Variants in UBR2 observed in about 807,000 individuals in gnomAD.
The protein encoded by UBR2 is E3 ubiquitin-protein ligase UBR2.
Under a neutral mutation model 247.9 loss-of-function variants are expected in UBR2, and 92 were observed. The observed-to-expected ratio is 0.37, with a 90% CI of 0.31 to 0.44. The LOEUF (loss-of-function observed/expected upper bound fraction) is 0.44, where lower values mean the gene tolerates loss of function less well. UBR2 is among the 20% of genes least tolerant of loss of function. The pLI, the probability that UBR2 is intolerant of heterozygous loss-of-function variation, is 1.00. For missense variants in UBR2, 1,613 were observed against 2,112.6 expected (o/e 0.76, Z 4.64); for synonymous variants, 672 against 693.5 (o/e 0.97, Z 0.49).
chr6:42,606,728 T>C, intron 7 of UBR2, 77 bp downstream of exon 7: 1 of 1,263,498 alleles, frequency 7.9e-7, no homozygotes, highest in South Asian at 1.4e-5. Context: ...TTTATGAACA[T>C]GTCTTTCTGC....
At chr6:42,669,388 A>AT (rs1427600285) in intron 34 of UBR2, among the ~76,000 whole-genome samples, 2 of 152,058 alleles carry the variant, frequency 1.3e-5, no homozygotes, top group Non-Finnish European at 2.9e-5. Flanking sequence ...ATTTCTGAGA[A>AT]TTTTTTATGT....
chr6:42,672,401 C>T (rs1475249355), intron 36 of UBR2, among the ~76,000 whole-genome samples: 1 of 151,976 alleles, frequency 6.6e-6, no homozygotes, highest in South Asian at 2.1e-4. Context: ...TCTCACCATT[C>T]CTTCTTCTAC....
chr6:42,658,226 T>A lies in UBR2; in HGVS notation c.2983-14T>A, dbSNP rs759474151. ...CATATTTCATACAGGATACTGATAC[T>A]TTTTTTTTTGTAGACTTTTAATGCT... On this transcript the variant is annotated splice_polypyrimidine_tract_variant and intron_variant, in intron 27 of 46. Transcript: ENST00000372901. 154 of 1,344,316 alleles carry A rather than the reference T, an allele frequency of 1.1e-4. No homozygotes were observed. Among genetic ancestry groups the A allele is most frequent in the Non-Finnish European group, 1.5e-4 (147 of 976,102 alleles). The allele number at this position is 1,344,316 out of a possible 1,614,324, so 83.3% of individuals were successfully genotyped here. A position where few individuals can be genotyped will look rare whatever the true frequency, so the allele number is the denominator to read the frequency against.
chr6:42,591,962 A>T (rs1792691292), intron 2 of UBR2, among the ~76,000 whole-genome samples, 189 bp from the exon 3 acceptor site: 2 of 152,178 alleles, frequency 1.3e-5, no homozygotes, highest in African/African-American at 4.8e-5. Flanking sequence ...CATTATGGAG[A>T]CGCAGGTCCT....
intron 1 of UBR2, among the ~76,000 whole-genome samples, chr6:42,569,258 A>G (rs770535827): frequency 6.6e-5 from 10 of 152,202 alleles, no homozygotes; most frequent in Non-Finnish European, 1.2e-4. Context: ...AAGCAGTTGC[A>G]TTGTTTTACA....
intron 1 of UBR2, among the ~76,000 whole-genome samples, chr6:42,571,160 G>C (rs1029654066): frequency 6.8e-6 from 1 of 147,374 alleles, no homozygotes; most frequent in Non-Finnish European, 1.5e-5. Flanking sequence ...GGAGAATGGC[G>C]TGAACCTGGG....
intron 10 of UBR2, among the ~76,000 whole-genome samples, chr6:42,616,893 T>C (rs1253988916): frequency 1.3e-5 from 2 of 152,212 alleles, no homozygotes; most frequent in Non-Finnish European, 2.9e-5. Context: ...GATTCTGATA[T>C]GATGCAGAAG....
chr6:42,589,895 TGAA>T (rs1792541846), intron 2 of UBR2, among the ~76,000 whole-genome samples: 3 of 152,198 alleles, frequency 2.0e-5, no homozygotes, highest in Admixed American at 2.0e-4. Context: ...CTAGCTGCCT[TGAA>T]GATTTTCTTG....
intron 11 of UBR2, among the ~76,000 whole-genome samples, chr6:42,618,721 A>C (rs953452521): frequency 6.6e-6 from 1 of 152,222 alleles, no homozygotes; most frequent in Non-Finnish European, 1.5e-5. Flanking sequence ...TCAGATGCTA[A>C]AGCAATGACC....
intron 36 of UBR2, among the ~76,000 whole-genome samples, chr6:42,672,040 C>T (rs1051826325): frequency 3.3e-5 from 5 of 149,480 alleles, no homozygotes; most frequent in African/African-American, 1.2e-4. Context: ...AAATTGAAGT[C>T]TTTTTTTTTT....
At chr6:42,671,674 C>T (rs1436580131) in intron 36 of UBR2, among the ~76,000 whole-genome samples, 2 of 152,180 alleles carry the variant, frequency 1.3e-5, no homozygotes, top group African/African-American at 4.8e-5. Context: ...CATTCTGAAA[C>T]TCAATTTTCC....
At chr6:42,571,138 G>C (rs2151900277) in intron 1 of UBR2, among the ~76,000 whole-genome samples, 1 of 151,128 alleles carries the variant, frequency 6.6e-6, no homozygotes, top group Admixed American at 6.6e-5. Flanking sequence ...AGCTACTTGG[G>C]AGGCTGAGGC....
chr6:42,598,524 A>G (rs931198911), intron 4 of UBR2, among the ~76,000 whole-genome samples: 2 of 152,152 alleles, frequency 1.3e-5, no homozygotes, highest in African/African-American at 4.8e-5. Flanking sequence ...CTTCCACTAC[A>G]GTGACAGAAA....
At chr6:42,616,837 C>G (rs1384046800) in intron 10 of UBR2, among the ~76,000 whole-genome samples, 1 of 152,036 alleles carries the variant, frequency 6.6e-6, no homozygotes, top group Non-Finnish European at 1.5e-5. Flanking sequence ...ACAGATTCAC[C>G]AAGAATGGCG....
intron 25 of UBR2, among the ~76,000 whole-genome samples, chr6:42,653,734 G>A (rs949508066): frequency 6.9e-6 from 1 of 144,576 alleles, no homozygotes. Flanking sequence ...TCCTGCCTCA[G>A]CCTCCCAAGT....
chr6:42,657,452 T>A (rs1232325279), intron 26 of UBR2, among the ~76,000 whole-genome samples: 2 of 152,156 alleles, frequency 1.3e-5, no homozygotes, highest in Admixed American at 1.3e-4. Context: ...ATCACACAGG[T>A]CAATCTCTTC....
At chr6:42,678,315 G>A (rs1313888081) in intron 40 of UBR2, among the ~76,000 whole-genome samples, 3 of 152,198 alleles carry the variant, frequency 2.0e-5, no homozygotes, top group Non-Finnish European at 4.4e-5. Flanking sequence ...CAGCCTGGGC[G>A]ACAGAGCGAG....
At chr6:42,598,614 T>G (rs73440613) in intron 4 of UBR2, among the ~76,000 whole-genome samples, 3,553 of 152,310 alleles carry the variant, frequency 0.023, 125 homozygotes, top group African/African-American at 0.08. Context: ...ACCTCTCCCA[T>G]TTGAGAACCA....
At chr6:42,681,121 C>CCACTG (rs1799020812) in intron 42 of UBR2, among the ~76,000 whole-genome samples, 1 of 149,878 alleles carries the variant, frequency 6.7e-6, no homozygotes, top group Non-Finnish European at 1.5e-5. Flanking sequence ...CGAGATCATG[C>CCACTG]CACTGCACTC....
Sources: gnomAD v4.1 joint callset for allele counts (sites outside exome capture counted in the v4.1 genomes callset) on GRCh38, gnomAD v4.1.1 for gene constraint, MANE v1.5 for transcripts, NCBI Gene and HGNC (gene_info 2026-07-23, HGNC 2026-07-21) for gene names.